The following ENTREP2 variants were observed in gnomAD, a reference collection of about 807,000 sequenced individuals.
The protein encoded by ENTREP2 is protein ENTREP2.
the ENTREP2 span, among the ~76,000 whole-genome samples, chr15:29,443,669 G>A: frequency 6.8e-3 from 1,034 of 152,166 alleles, 28 homozygotes; most frequent in Non-Finnish European, 5.5e-3. Flanking sequence ...AGTTACAGTA[G>A]GGTCTGCGGC....
At chr15:29,414,699 T>C in the ENTREP2 span, among the ~76,000 whole-genome samples, 2 of 152,068 alleles carry the variant, frequency 1.3e-5, no homozygotes, top group African/African-American at 2.4e-5. Flanking sequence ...AAAAAATCAA[T>C]GAATCCAGGA....
chr15:29,252,565 T>C, the ENTREP2 span: 2 of 697,038 alleles, frequency 2.9e-6, no homozygotes, highest in Admixed American at 5.0e-5. Flanking sequence ...CTTTCATTTA[T>C]TATACAACAG....
the ENTREP2 span, among the ~76,000 whole-genome samples, chr15:29,571,524 G>A: frequency 6.6e-6 from 1 of 152,202 alleles, no homozygotes; most frequent in African/African-American, 2.4e-5. Context: ...CAAGCCATCC[G>A]CTGAGAGAAC....
chr15:29,268,205 A>T, the ENTREP2 span: 1 of 152,258 alleles, frequency 6.6e-6, no homozygotes, highest in Non-Finnish European at 1.5e-5. Context: ...AAGAAGAAAA[A>T]AACGAAGTGG....
chr15:29,620,588 T>G, the ENTREP2 span, among the ~76,000 whole-genome samples: 2 of 151,934 alleles, frequency 1.3e-5, no homozygotes, highest in South Asian at 4.2e-4. Flanking sequence ...CGATGAAGTA[T>G]GATCACACCA....
the ENTREP2 span, among the ~76,000 whole-genome samples, chr15:29,456,908 G>C: frequency 6.6e-6 from 1 of 152,108 alleles, no homozygotes; most frequent in Non-Finnish European, 1.5e-5. Context: ...ACTATGCAGT[G>C]AGGCTGATGA....
the ENTREP2 span, among the ~76,000 whole-genome samples, chr15:29,600,915 T>TTTTTTTTTTTTTTTTTTTTTTTTTTG: frequency 7.0e-6 from 1 of 143,526 alleles, no homozygotes; most frequent in South Asian, 2.1e-4. Flanking sequence ...TTTTTTTTTT[T>TTTTTTTTTTTTTTTTTTTTTTTTTTG]GAGACAGAGT....
At chr15:29,126,357 C>A in the ENTREP2 span, 1 of 1,541,380 alleles carries the variant, frequency 6.5e-7, no homozygotes. Flanking sequence ...ATGCCAGGAT[C>A]CTCTGGAGAC....
the ENTREP2 span, among the ~76,000 whole-genome samples, chr15:29,207,634 T>C: frequency 6.6e-6 from 1 of 152,192 alleles, no homozygotes; most frequent in Non-Finnish European, 1.5e-5. Context: ...TGGTGCATTT[T>C]ACAAACCTAG....
the ENTREP2 span, among the ~76,000 whole-genome samples, chr15:29,168,236 C>A: frequency 1.3e-5 from 2 of 152,044 alleles, no homozygotes; most frequent in Non-Finnish European, 2.9e-5. Flanking sequence ...GTATACTGCT[C>A]GGGTGTTGAG....
At chr15:29,655,986 C>A in the ENTREP2 span, among the ~76,000 whole-genome samples, 5 of 148,532 alleles carry the variant, frequency 3.4e-5, no homozygotes, top group Admixed American at 2.0e-4. Context: ...ATCACGCCAC[C>A]GCACTCCAGC....
At chr15:29,129,852 C>T in the ENTREP2 span, among the ~76,000 whole-genome samples, 159 of 152,214 alleles carry the variant, frequency 1.0e-3, 1 homozygote, top group African/African-American at 3.8e-3. Context: ...CATGAGCACC[C>T]CCATGCACCC....
At chr15:29,394,935 C>T in the ENTREP2 span, among the ~76,000 whole-genome samples, 94,771 of 142,286 alleles carry the variant, frequency 0.67, 32,850 homozygotes, top group Admixed American at 0.77. Context: ...TCGCCCACGC[C>T]GGAGTGCAGT....
the ENTREP2 span, among the ~76,000 whole-genome samples, chr15:29,402,891 T>A: frequency 6.6e-6 from 1 of 152,120 alleles, no homozygotes; most frequent in African/African-American, 2.4e-5. Flanking sequence ...GCCTCCTAAG[T>A]GAGGAGGCAT....
chr15:29,199,905 G>T, the ENTREP2 span, among the ~76,000 whole-genome samples: 1 of 152,120 alleles, frequency 6.6e-6, no homozygotes, highest in African/African-American at 2.4e-5. Flanking sequence ...TGAAAGATAT[G>T]AGACTTGGGA....
the ENTREP2 span, among the ~76,000 whole-genome samples, chr15:29,457,147 C>T: frequency 6.6e-6 from 1 of 152,118 alleles, no homozygotes; most frequent in Admixed American, 6.5e-5. Context: ...CACGACTTCC[C>T]AAAGGAAAGG....
At chr15:29,414,055 C>T in the ENTREP2 span, among the ~76,000 whole-genome samples, 8 of 152,210 alleles carry the variant, frequency 5.3e-5, no homozygotes, top group Admixed American at 4.6e-4. Flanking sequence ...TAATGGGAGA[C>T]TTTAACACCC....
At chr15:29,388,135 A>G in the ENTREP2 span, among the ~76,000 whole-genome samples, 1 of 152,196 alleles carries the variant, frequency 6.6e-6, no homozygotes, top group Non-Finnish European at 1.5e-5. Flanking sequence ...TAATTAAACT[A>G]AAGAGCTTCT....
chr15:29,614,038 G>GCTAA, the ENTREP2 span: 1 of 152,888 alleles, frequency 6.5e-6, no homozygotes, highest in East Asian at 1.9e-4. Flanking sequence ...TGGAATGGAT[G>GCTAA]CTAACAACGG....
Sources: allele counts gnomAD v4.1 joint callset (sites outside exome capture counted in the v4.1 genomes callset), GRCh38; gene constraint gnomAD v4.1.1; transcripts MANE v1.5; gene names NCBI Gene and HGNC (gene_info 2026-07-23, HGNC 2026-07-21).